POLR1A: variants seen among roughly 807,000 people sequenced by gnomAD.
POLR1A encodes RNA polymerase I subunit A.
Under a neutral mutation model 205.3 loss-of-function variants are expected in POLR1A, and 84 were observed. The observed-to-expected ratio is 0.41, with a 90% CI of 0.34 to 0.49. The LOEUF is 0.49. Among genes scored for constraint, POLR1A ranks in the 20% least tolerant of loss-of-function variants. The pLI, the probability that POLR1A is intolerant of heterozygous loss-of-function variation, is 0.22. For missense variants in POLR1A, 1,645 were observed against 2,204.5 expected (o/e 0.75, Z 5.08); for synonymous variants, 799 against 863.7 (o/e 0.93, Z 1.31).
chr2:86,081,024 G>C (rs1308406877), intron 8 of POLR1A, 46 bp from the exon 9 acceptor site: 2 of 1,551,046 alleles, frequency 1.3e-6, no homozygotes, highest in Non-Finnish European at 1.8e-6. Flanking sequence ...TGTGAGGAAA[G>C]GGTCATGTTC....
chr2:86,101,425 TCTAAGG>T (rs1673820649), intron 1 of POLR1A, among the ~76,000 whole-genome samples: 1 of 152,152 alleles, frequency 6.6e-6, no homozygotes, highest in Non-Finnish European at 1.5e-5. Context: ...CCAGTGTCAC[TCTAAGG>T]GCCAAGGCGA....
At chr2:86,074,477 C>T (rs942963715) in intron 12 of POLR1A, among the ~76,000 whole-genome samples, 1 of 152,202 alleles carries the variant, frequency 6.6e-6, no homozygotes. Context: ...ACAGAGCTGT[C>T]ACCTGCTGAT....
chr2:86,061,418 T>C (rs537511886), intron 14 of POLR1A, among the ~76,000 whole-genome samples: 33 of 152,300 alleles, frequency 2.2e-4, no homozygotes, highest in African/African-American at 7.9e-4. Flanking sequence ...CTGCACTCCA[T>C]CCTGGTAGAA....
At chr2:86,100,896 T>G (rs1207190575) in intron 1 of POLR1A, among the ~76,000 whole-genome samples, 1 of 152,072 alleles carries the variant, frequency 6.6e-6, no homozygotes, top group East Asian at 1.9e-4. Context: ...CATGTACTTT[T>G]CAGAGGACGA....
Position 86,027,291 on chromosome 2 carries a change from G to T in POLR1A, c.*132C>A. On this transcript the variant is annotated 3_prime_UTR_variant, in exon 34 of 34. Transcript: ENST00000263857. ...GCCCACTGCTTTCAGGCCCAAGGTC[G>T]CTGCTGTGCTCTGTACTGTCACTTG... is the stretch of plus-strand genomic sequence containing the variant. 1 of 736,366 alleles carries T rather than the reference G, an allele frequency of 1.4e-6. No individual in the cohort carries two copies. Among genetic ancestry groups the T allele is most frequent in the Non-Finnish European group, 2.4e-6 (1 of 414,972 alleles). 45.6% of individuals were successfully genotyped at this position (736,366 alleles called of 1,614,324 possible). A position where few individuals can be genotyped will look rare whatever the true frequency, so the allele number is the denominator to read the frequency against.
chr2:86,044,112 C>T (rs1407876188), intron 22 of POLR1A, 27 bp downstream of exon 22: 1 of 1,611,882 alleles, frequency 6.2e-7, no homozygotes, highest in South Asian at 1.1e-5. Flanking sequence ...CTGCTCGGCC[C>T]CCAGGCTCCG....
In POLR1A at chr2:86,100,177, G is replaced by A. The variant is rs554199175; in HGVS notation, c.78-5C>T. 1.2e-6 allele frequency: 2 copies of A among 1,610,748 alleles called. No individual in the cohort carries two copies. The highest frequency in any genetic ancestry group is 1.7e-6 in the Non-Finnish European group (2 of 1,176,930). ...ATGGATTTAACACTTAATTTCCTAA[G>A]GGGATAAAAAAGACCAAGAGGAAAG... On this transcript the variant is annotated splice_polypyrimidine_tract_variant and splice_region_variant and intron_variant, in intron 1 of 33. Coordinates refer to ENST00000263857, the MANE Select transcript of POLR1A (RefSeq NM_015425.6).
intron 11 of POLR1A, 150 bp from the exon 12 acceptor site, chr2:86,075,410 C>T: frequency 3.2e-6 from 2 of 632,912 alleles, no homozygotes; most frequent in Non-Finnish European, 5.6e-6. Flanking sequence ...AGCAAAGTAA[C>T]ATCCTGCCTG....
At position 86,049,228 on chromosome 2, in the gene POLR1A, A is replaced by G. The variant is rs1672758398; in HGVS notation, c.2407T>C (p.Leu803=). ...RGFTLGVEDI[L]VKPKADVKRQ... ...TTGACATCTGCCTTTGGCTTCACCA[A>G]AATGTCTTCCACGCCTGTGAAGTGA... The change falls in exon 17 of 34, where the codon TTG becomes CTG. Residue 803 remains leucine (L), a synonymous_variant. Transcript: ENST00000263857. 8 of 1,613,714 alleles carry G rather than the reference A, an allele frequency of 5.0e-6. No individual in the cohort carries two copies. The highest frequency in any genetic ancestry group is 6.8e-6 in the Non-Finnish European group (8 of 1,179,618).
Position 86,065,349 on chromosome 2 carries a change from G to A in POLR1A, c.1983C>T (p.Leu661=). 1 of 1,614,172 alleles carries A rather than the reference G, an allele frequency of 6.2e-7. No homozygotes were observed. The highest frequency in any genetic ancestry group is 8.5e-7 in the Non-Finnish European group (1 of 1,180,032). Residue 661 remains leucine, a synonymous_variant, in exon 14 of 34, where the codon CTC becomes CTT. Coordinates refer to ENST00000263857, the MANE Select transcript of POLR1A (RefSeq NM_015425.6). The part of the protein sequence containing the change: ...EHYMELVYRG[L]TDKVGRVKLL... ...GCTTCACGCGCCCCACTTTGTCCGT[G>A]AGTCCTCGGTACACCAGCTCCATAT...
intron 26 of POLR1A, 60 bp downstream of exon 26, chr2:86,039,267 T>A: frequency 6.3e-7 from 1 of 1,579,246 alleles, no homozygotes; most frequent in Non-Finnish European, 8.7e-7. Context: ...TCTTCACACA[T>A]GGGGAGGATA....
At chr2:86,045,548 G>T in intron 20 of POLR1A, 69 bp downstream of exon 20, 2 of 1,536,842 alleles carry the variant, frequency 1.3e-6, no homozygotes, top group Non-Finnish European at 9.0e-7. Flanking sequence ...CTGTAGGGCA[G>T]TCATAGTTCA....
At position 86,070,059 on chromosome 2, in the gene POLR1A, A is replaced by G. The variant is rs1407941795; in HGVS notation, c.1825T>C (p.Tyr609His). The G allele has an allele frequency of 1.2e-6, 2 of 1,614,058 alleles. No homozygotes were observed. The highest frequency in any genetic ancestry group is 4.5e-5 in the East Asian group (2 of 44,878). The change falls in exon 13 of 34, where the codon TAC becomes CAC. Residue 609 changes from tyrosine to histidine, a missense_variant. Tyr to His is a moderately conservative substitution (Grantham distance 83). Coordinates refer to ENST00000263857, the MANE Select transcript of POLR1A (RefSeq NM_015425.6). The surrounding 1 kb of genome is among the most constrained non-coding windows in gnomAD (Gnocchi z 4.4). ...TGCTGATCAGTGCAGGCCAGGACGT[A>G]GGCCTCGGCCCGGCCCAGCTCACTC... ...PQSELGRAEA[Y>H]VLACTDQQYL...
chr2:86,045,498 C>A, intron 20 of POLR1A, 119 bp downstream of exon 20: 1 of 1,312,244 alleles, frequency 7.6e-7, no homozygotes. Flanking sequence ...ACTTTTTGAC[C>A]TCGACAGCTA....
At chr2:86,069,291 A>C (rs142385338) in intron 13 of POLR1A, among the ~76,000 whole-genome samples, 1 of 152,180 alleles carries the variant, frequency 6.6e-6, no homozygotes, top group African/African-American at 2.4e-5. Context: ...GAGGACTCAG[A>C]CCTTTGGGTG....
At chr2:86,075,922 C>A (rs1295632168) in intron 11 of POLR1A, among the ~76,000 whole-genome samples, 1 of 152,178 alleles carries the variant, frequency 6.6e-6, no homozygotes, top group East Asian at 1.9e-4. Context: ...TCCTCAAATA[C>A]CCTGACATCC....
At chr2:86,097,807 A>G (rs750307536) in intron 3 of POLR1A, among the ~76,000 whole-genome samples, 1 of 152,190 alleles carries the variant, frequency 6.6e-6, no homozygotes, top group Non-Finnish European at 1.5e-5. Flanking sequence ...GACAGGAGGA[A>G]TAAATTCTAG....
Position 86,043,115 on chromosome 2 carries a change from G to C in POLR1A, c.3216C>G (p.Ile1072Met), listed in dbSNP as rs1465316774. 2 of 1,613,996 alleles carry C rather than the reference G, an allele frequency of 1.2e-6. No homozygotes were observed. Among genetic ancestry groups the C allele is most frequent in the Admixed American group, 1.7e-5 (1 of 60,004 alleles). The change falls in exon 23 of 34, where the codon ATC becomes ATG. Residue 1072 changes from isoleucine (I) to methionine (M), a missense_variant. This residue lies in a region of POLR1A where 201 missense variants were observed against 222.3 expected (regional missense o/e 0.90). Coordinates refer to ENST00000263857, the MANE Select transcript of POLR1A (RefSeq NM_015425.6). ...PKKALHHFRAIKKWQSKHPNT... is the reference protein window; with the variant it reads ...PKKALHHFRAMKKWQSKHPNT... ...TGGGGTGCTTGCTTTGCCATTTTTTGATAGCTCTGAAGTGGTGGAGAGCTT... is the reference window on the plus strand; with the variant it reads ...TGGGGTGCTTGCTTTGCCATTTTTTCATAGCTCTGAAGTGGTGGAGAGCTT...
chr2:86,042,901 C>T, intron 23 of POLR1A, 73 bp downstream of exon 23: 1 of 1,054,232 alleles, frequency 9.5e-7, no homozygotes, highest in Non-Finnish European at 1.5e-6. Context: ...CTTAGGAAAA[C>T]AGCCCCTCAT....
Sources: gnomAD v4.1 joint callset for allele counts (sites outside exome capture counted in the v4.1 genomes callset) on GRCh38, gnomAD v4.1.1 for gene constraint, gnomAD v4.1.1 regional missense constraint, Gnocchi (gnomAD v3.1) non-coding constraint, MANE v1.5 for transcripts, NCBI Gene and HGNC (gene_info 2026-07-23, HGNC 2026-07-21) for gene names.